PDE4D: variants seen among roughly 807,000 people sequenced by gnomAD.
PDE4D encodes phosphodiesterase 4D.
In PDE4D, 24 loss-of-function variants were observed where a neutral mutation model predicts 87.4. The observed-to-expected ratio is 0.27, with a 90% confidence interval of 0.20 to 0.39. The LOEUF (loss-of-function observed/expected upper bound fraction) is 0.39, where lower values mean the gene tolerates loss of function less well. Among genes scored for constraint, PDE4D ranks in the 10% least tolerant of loss-of-function variants. PDE4D has a pLI of 1.00. For missense variants in PDE4D, 714 were observed against 1,041.0 expected (o/e 0.69, Z 4.32); for synonymous variants, 384 against 383.2 (o/e 1.00, Z -0.02).
At chr5:59,728,807 G>T (rs1347527050) in intron 1 of PDE4D, among the ~76,000 whole-genome samples, 2 of 152,044 alleles carry the variant, frequency 1.3e-5, no homozygotes, top group Non-Finnish European at 2.9e-5. Flanking sequence ...GGTAGAGCAA[G>T]ATTTAAAATA....
At chr5:59,350,477 T>C (rs1374507880) in intron 1 of PDE4D, among the ~76,000 whole-genome samples, 3 of 152,132 alleles carry the variant, frequency 2.0e-5, no homozygotes, top group Non-Finnish European at 4.4e-5. Context: ...ATCAGGTTCC[T>C]TCAGCTCTAA....
intron 1 of PDE4D, among the ~76,000 whole-genome samples, chr5:59,551,059 C>T (rs1326427356): frequency 1.3e-5 from 2 of 151,846 alleles, no homozygotes; most frequent in Non-Finnish European, 2.9e-5. Flanking sequence ...AAATAGAATC[C>T]CACCCTTTTC....
intron 1 of PDE4D, among the ~76,000 whole-genome samples, chr5:60,385,975 C>T (rs1762162613): frequency 6.6e-6 from 1 of 152,096 alleles, no homozygotes. Context: ...CATGGCTACA[C>T]CAGGCTGCCA....
At chr5:59,753,554 A>G (rs1354826335) in intron 1 of PDE4D, among the ~76,000 whole-genome samples, 1 of 152,294 alleles carries the variant, frequency 6.6e-6, no homozygotes, top group African/African-American at 2.4e-5. Context: ...AGGGTTTATT[A>G]AAAGAGCTGA....
chr5:60,125,585 G>A (rs1407409847), intron 2 of PDE4D, among the ~76,000 whole-genome samples: 3 of 152,006 alleles, frequency 2.0e-5, no homozygotes, highest in Non-Finnish European at 4.4e-5. Flanking sequence ...GACCCAAGCG[G>A]GGAGACAAAG....
chr5:60,050,721 A>G (rs973903819), intron 2 of PDE4D, among the ~76,000 whole-genome samples: 2 of 152,256 alleles, frequency 1.3e-5, no homozygotes, highest in East Asian at 3.8e-4. Context: ...AAATGCCCCA[A>G]TTAAAAGACA....
chr5:60,459,989 C>A (rs1583835820), intron 1 of PDE4D: 1 of 874,352 alleles, frequency 1.1e-6, no homozygotes, highest in East Asian at 2.5e-5. Flanking sequence ...TCTCATTCTG[C>A]TTCTTCATCA....
At chr5:60,168,556 C>T (rs905029591) in intron 2 of PDE4D, among the ~76,000 whole-genome samples, 1 of 152,112 alleles carries the variant, frequency 6.6e-6, no homozygotes, top group East Asian at 1.9e-4. Flanking sequence ...CCTTGGTATC[C>T]GTGGGAGATT....
chr5:59,067,369 C>G (rs1406880687), intron 5 of PDE4D, among the ~76,000 whole-genome samples: 1 of 151,958 alleles, frequency 6.6e-6, no homozygotes, highest in East Asian at 1.9e-4. Context: ...GAAAAATAGG[C>G]CTTTCTGTAG....
At chr5:59,497,187 A>G (rs1335587574) in intron 1 of PDE4D, among the ~76,000 whole-genome samples, 1 of 152,164 alleles carries the variant, frequency 6.6e-6, no homozygotes, top group Non-Finnish European at 1.5e-5. Flanking sequence ...AACAAGCTCC[A>G]TCCAAACAAT....
chr5:60,127,497 C>T (rs559698222), intron 2 of PDE4D: 93 of 419,424 alleles, frequency 2.2e-4, no homozygotes, highest in Non-Finnish European at 3.6e-4. Flanking sequence ...ACAGACAGGC[C>T]GGCCCCGGGA....
chr5:59,499,453 A>G (rs1807867704), intron 1 of PDE4D, among the ~76,000 whole-genome samples: 1 of 151,912 alleles, frequency 6.6e-6, no homozygotes, highest in Non-Finnish European at 1.5e-5. Context: ...ATTGAGACCC[A>G]TAACAACTAT....
intron 5 of PDE4D, among the ~76,000 whole-genome samples, chr5:59,118,897 T>C (rs1305112388): frequency 1.3e-5 from 2 of 151,932 alleles, no homozygotes; most frequent in African/African-American, 2.4e-5. Context: ...AGTGAATGAA[T>C]GAAACAAGGA....
intron 1 of PDE4D, among the ~76,000 whole-genome samples, chr5:60,191,685 G>A (rs1235349005): frequency 6.6e-6 from 1 of 152,106 alleles, no homozygotes; most frequent in East Asian, 1.9e-4. Flanking sequence ...CTTCCATACT[G>A]CAAGTTGTAT....
intron 1 of PDE4D, among the ~76,000 whole-genome samples, chr5:60,250,505 A>T (rs2069139084): frequency 6.6e-6 from 1 of 151,986 alleles, no homozygotes. Context: ...ATTTAGGTCA[A>T]CAATGGACCA....
intron 1 of PDE4D, among the ~76,000 whole-genome samples, chr5:60,268,912 G>C (rs1750521916): frequency 6.6e-6 from 1 of 152,116 alleles, no homozygotes; most frequent in Non-Finnish European, 1.5e-5. Flanking sequence ...TAAAAACAAT[G>C]CAATTTATTG....
intron 2 of PDE4D, among the ~76,000 whole-genome samples, chr5:60,013,334 C>T (rs1032474321): frequency 6.6e-6 from 1 of 152,104 alleles, no homozygotes; most frequent in African/African-American, 2.4e-5. Flanking sequence ...GCTATGCAAG[C>T]GCTGATTTCT....
chr5:60,273,628 G>C (rs1345746974), intron 1 of PDE4D, among the ~76,000 whole-genome samples: 2 of 152,148 alleles, frequency 1.3e-5, no homozygotes, highest in Non-Finnish European at 2.9e-5. Context: ...ACCTGCACCA[G>C]AGAAGTAGAG....
At position 60,426,616 on chromosome 5, in the gene PDE4D, C is replaced by T. The variant is rs543127823; in HGVS notation, c.-90+61326G>A. On this transcript the variant is annotated intron_variant, in intron 1 of 16. Coordinates refer to the PDE4D transcript ENST00000502484. ...TGATGGGTGAAGCAAACCAACATGG[C>T]ACATGTATACATATGTAACAAACCT... 7.9e-5 allele frequency among the ~76,000 whole-genome samples: 12 copies of T among 152,176 alleles called. No homozygotes were observed. The South Asian group carries it at 2.1e-3, about 26-fold the overall frequency.
Sources: allele counts gnomAD v4.1 joint callset (sites outside exome capture counted in the v4.1 genomes callset), GRCh38; gene constraint gnomAD v4.1.1; transcripts MANE v1.5; gene names NCBI Gene and HGNC (gene_info 2026-07-23, HGNC 2026-07-21).